Variants in SANBR observed in about 807,000 individuals in gnomAD.
SANBR encodes SANT and BTB domain regulator of CSR, also known as SANT and BTB domain regulator of class switch recombination.
Under a neutral mutation model 101.8 loss-of-function variants are expected in SANBR, and 77 were observed. The ratio of observed to expected loss-of-function variants is 0.76; its 90% confidence interval spans 0.63 to 0.91. SANBR has a LOEUF of 0.91. Ranked by LOEUF, SANBR falls within the 40% of genes least tolerant of loss-of-function variation. SANBR has a pLI of 0.00. For missense variants in SANBR, 875 were observed against 853.0 expected (o/e 1.03, Z -0.32); for synonymous variants, 279 against 274.7 (o/e 1.02, Z -0.15).
chr2:61,121,881 T>A (rs1399826283), intron 21 of SANBR, among the ~76,000 whole-genome samples: 1 of 152,210 alleles, frequency 6.6e-6, no homozygotes, highest in Non-Finnish European at 1.5e-5. Flanking sequence ...ATCCCACTTA[T>A]ATTTGATTAT....
At chr2:61,098,071 A>G (rs1172312789) in intron 12 of SANBR, among the ~76,000 whole-genome samples, 1 of 146,860 alleles carries the variant, frequency 6.8e-6, no homozygotes. Flanking sequence ...ATATATATAT[A>G]TATATATTTT....
At position 61,094,062 on chromosome 2, in the gene SANBR, A is replaced by G. The variant is rs144348124; in HGVS notation, c.1212+1475A>G. 84 of 982,648 alleles carry G rather than the reference A, an allele frequency of 8.5e-5. No homozygotes were observed. The African/African-American group carries it at 1.3e-3, about 15-fold the overall frequency. 60.9% of individuals were successfully genotyped at this position (982,648 alleles called of 1,614,324 possible). On this transcript the variant is annotated intron_variant, in intron 11 of 21. Transcript: ENST00000402291. Reference sequence around the variant, plus strand: ...AGAGGGAAGGAAGAACAGCTTGTCAAAATCTTCAGATTGGGATTTTAAACT... The same window carrying G: ...AGAGGGAAGGAAGAACAGCTTGTCAGAATCTTCAGATTGGGATTTTAAACT...
chr2:61,095,099 G>C (rs1017416544), intron 11 of SANBR, among the ~76,000 whole-genome samples: 2 of 152,158 alleles, frequency 1.3e-5, no homozygotes, highest in Non-Finnish European at 2.9e-5. Flanking sequence ...AGTAGCAATT[G>C]ATATAGTCAG....
downstream of SANBR, chr2:61,124,374 A>T: frequency 1.9e-6 from 1 of 540,030 alleles, no homozygotes; most frequent in Non-Finnish European, 2.4e-6. Flanking sequence ...ATGGAAAATT[A>T]TCTCTGCTAC....
intron 17 of SANBR, among the ~76,000 whole-genome samples, chr2:61,116,540 A>G (rs1449063388): frequency 9.9e-5 from 15 of 152,154 alleles, no homozygotes; most frequent in Admixed American, 9.8e-4. Context: ...TTTAAAAATA[A>G]TTCTTATTTC....
At chr2:61,124,386 A>G (rs182264667), downstream of SANBR, 8 of 481,518 alleles carry the variant, frequency 1.7e-5, no homozygotes, top group Admixed American at 5.1e-4. Flanking sequence ...CTCTGCTACA[A>G]GGTGAAATTT....
chr2:61,113,532 G>A (rs1045177351), intron 16 of SANBR, among the ~76,000 whole-genome samples: 7 of 152,190 alleles, frequency 4.6e-5, no homozygotes, highest in Middle Eastern at 3.4e-3. Context: ...CAGTGTACAG[G>A]TGTTGAACAT....
Position 61,071,810 on chromosome 2 carries a change from A to G in SANBR, c.337+18A>G, listed in dbSNP as rs1358816372. The G allele has an allele frequency of 1.3e-6, 2 of 1,514,552 alleles. No individual in the cohort carries two copies. The highest frequency in any genetic ancestry group is 9.0e-7 in the Non-Finnish European group (1 of 1,110,468). The allele number at this position is 1,514,552 out of a possible 1,614,324, so 93.8% of individuals were successfully genotyped here. On this transcript the variant is annotated intron_variant, in intron 4 of 21. Coordinates refer to ENST00000402291, the MANE Select transcript of SANBR (RefSeq NM_001129993.3). ...CAAAACTGGTAAGGTTTTAAACTAA[A>G]ATGTAGTACTTGCCCTTATGAAAAT...
intron 6 of SANBR, among the ~76,000 whole-genome samples, chr2:61,079,796 G>A (rs185914615): frequency 1.3e-5 from 2 of 152,164 alleles, no homozygotes; most frequent in Admixed American, 6.5e-5. Context: ...AGCTACTCAG[G>A]AGGCTGAGGA....
At chr2:61,107,748 C>T (rs1452371092) in intron 14 of SANBR, among the ~76,000 whole-genome samples, 1 of 152,028 alleles carries the variant, frequency 6.6e-6, no homozygotes, top group Non-Finnish European at 1.5e-5. Flanking sequence ...TAGCTGGGCG[C>T]AGTGGCATGT....
At chr2:61,094,887 C>T (rs371638430) in intron 11 of SANBR, among the ~76,000 whole-genome samples, 13 of 152,226 alleles carry the variant, frequency 8.5e-5, no homozygotes, top group Admixed American at 5.9e-4. Flanking sequence ...TCAGGTGATC[C>T]GCCTGCCTTG....
chr2:61,112,945 A>G (rs1236465330), intron 16 of SANBR, among the ~76,000 whole-genome samples: 1 of 152,178 alleles, frequency 6.6e-6, no homozygotes, highest in Non-Finnish European at 1.5e-5. Flanking sequence ...GTTTTCTTCT[A>G]GAAGTTGTAT....
At chr2:61,133,113 A>G (rs1372699657) in intron 20 of SANBR, among the ~76,000 whole-genome samples, 1 of 152,152 alleles carries the variant, frequency 6.6e-6, no homozygotes, top group Non-Finnish European at 1.5e-5. Flanking sequence ...TTAGCCGGGC[A>G]TGGTGGTGCA....
chr2:61,086,419 G>A (rs1232114016), intron 8 of SANBR, among the ~76,000 whole-genome samples: 1 of 151,966 alleles, frequency 6.6e-6, no homozygotes, highest in African/African-American at 2.4e-5. Flanking sequence ...AAATGCTACT[G>A]TATTTCATTT....
intron 19 of SANBR, 26 bp downstream of exon 19, chr2:61,117,566 AC>A (rs1434715508): frequency 6.4e-7 from 1 of 1,550,826 alleles, no homozygotes. Flanking sequence ...TGGGTAATGT[AC>A]AAATTGGATG....
chr2:61,076,518 C>G (rs909045761), intron 5 of SANBR, among the ~76,000 whole-genome samples: 46 of 148,700 alleles, frequency 3.1e-4, no homozygotes, highest in African/African-American at 1.1e-3. Context: ...GTCCCAGCTA[C>G]TCAGGAGGCT....
At chr2:61,093,673 T>C (rs1682888636) in intron 11 of SANBR, among the ~76,000 whole-genome samples, 1 of 152,212 alleles carries the variant, frequency 6.6e-6, no homozygotes, top group Non-Finnish European at 1.5e-5. Context: ...AAAAAATCCT[T>C]ATTGCCTTCA....
intron 6 of SANBR, 141 bp downstream of exon 6, chr2:61,077,299 T>A (rs994827577): frequency 2.4e-5 from 16 of 666,816 alleles, no homozygotes; most frequent in Non-Finnish European, 3.5e-5. Flanking sequence ...AGGAAACTGA[T>A]AACCTCATCT....
chr2:61,067,142 C>G (rs1183474893), intron 1 of SANBR, among the ~76,000 whole-genome samples: 3 of 152,152 alleles, frequency 2.0e-5, no homozygotes, highest in Non-Finnish European at 4.4e-5. Context: ...ACTCTGATTT[C>G]TTGGACATTC....
Sources: gnomAD v4.1 joint callset for allele counts (sites outside exome capture counted in the v4.1 genomes callset) on GRCh38, gnomAD v4.1.1 for gene constraint, MANE v1.5 for transcripts, NCBI Gene and HGNC (gene_info 2026-07-23, HGNC 2026-07-21) for gene names.